The following NTSR1 variants were observed in gnomAD, a reference collection of about 807,000 sequenced individuals.
The protein encoded by NTSR1 is neurotensin receptor type 1.
A neutral mutation model predicts 31.2 loss-of-function variants in NTSR1; 29 were observed. The observed-to-expected ratio is 0.93, with a 90% CI of 0.69 to 1.27. The LOEUF is 1.27. NTSR1 is among the 50% of genes most tolerant of loss of function. The probability of loss-of-function intolerance (pLI) is 0.00; values close to 1 mark genes in which losing one functional copy is unlikely to be tolerated. For missense variants in NTSR1, 697 were observed against 595.4 expected (o/e 1.17, Z -1.78); for synonymous variants, 282 against 269.9 (o/e 1.04, Z -0.44).
chr20:62,744,837 C>T lies in NTSR1; in HGVS notation c.715-9848C>T, dbSNP rs868413622. 6.6e-6 allele frequency among the ~76,000 whole-genome samples: 1 copy of T among 152,316 alleles called. No individual in the cohort carries two copies. Among genetic ancestry groups the T allele is most frequent in the South Asian group, 2.1e-4 (1 of 4,828 alleles). ...CTTCTGGCACCAAACCCCAGGCATT[C>T]GGCTGCTTCTGAGAGGCTTGAGGCC... On this transcript the variant is annotated intron_variant, in intron 1 of 3. Coordinates refer to ENST00000370501, the MANE Select transcript of NTSR1 (RefSeq NM_002531.3). The surrounding 1 kb of genome is among the most constrained non-coding windows in gnomAD (Gnocchi z 4.1).
rs569942594 is a variant in NTSR1 at position 62,727,602 on chromosome 20, T to C, written c.714+17681T>C. ...CCTCCGCCTCCAGCATCGAGGTGAC[T>C]GAGGGGATAGCACAGAGAGGGTGGC... On this transcript the variant is annotated intron_variant, in intron 1 of 3. Transcript: ENST00000370501. 3.9e-5 allele frequency among the ~76,000 whole-genome samples: 6 copies of C among 152,264 alleles called. No individual in the cohort carries two copies. The South Asian group carries it at 8.3e-4, about 21-fold the overall frequency.
In NTSR1 at chr20:62,759,769, C is replaced by A. The variant is rs571210002; in HGVS notation, c.1008-249C>A. Among the ~76,000 whole-genome samples, 26 of 83,928 alleles carry A rather than the reference C, an allele frequency of 3.1e-4. No individual in the cohort carries two copies. In the East Asian group the frequency reaches 8.2e-3, roughly 26 times the overall value. The allele number at this position is 83,928 out of a possible 152,430, so 55.1% of individuals were successfully genotyped here. On this transcript the variant is annotated intron_variant, in intron 3 of 3. Coordinates refer to ENST00000370501, the MANE Select transcript of NTSR1 (RefSeq NM_002531.3). ...CAGCCTGGGAGACAGAGCGAGACTC[C>A]GTCTCAAAAAAAAAAAAAAAGCAGC...
chr20:62,732,273 G>A lies in NTSR1; in HGVS notation c.714+22352G>A, dbSNP rs1336510488. Among the ~76,000 whole-genome samples the A allele has an allele frequency of 1.3e-5, 2 of 152,172 alleles. No homozygotes were observed. Among genetic ancestry groups the A allele is most frequent in the East Asian group, 3.8e-4 (2 of 5,198 alleles). On this transcript the variant is annotated intron_variant, in intron 1 of 3. Transcript: ENST00000370501. The surrounding 1 kb of genome is among the most constrained non-coding windows in gnomAD (Gnocchi z 4.0). Reference sequence around the variant, plus strand: ...CTCCTTCCCTATCTTAGGAAGAAAAGCTTCAGGTTTGTCACCATTGAGTAT... The same window carrying A: ...CTCCTTCCCTATCTTAGGAAGAAAAACTTCAGGTTTGTCACCATTGAGTAT...
At position 62,711,577 on chromosome 20, in the gene NTSR1, C is replaced by T. The variant is rs1334726685; in HGVS notation, c.714+1656C>T. 6.8e-6 allele frequency among the ~76,000 whole-genome samples: 1 copy of T among 148,030 alleles called. No individual in the cohort carries two copies. Among genetic ancestry groups the T allele is most frequent in the South Asian group, 2.2e-4 (1 of 4,562 alleles). ...CCCCCACTCAGACCCCCGATCCCCC[C>T]GCTCAGATCCCCGATCCCCCCGCTC... On this transcript the variant is annotated intron_variant, in intron 1 of 3. Transcript: ENST00000370501. This position sits in a 1 kb window ranked among gnomAD's most constrained non-coding sequence, Gnocchi z 6.4.
chr20:62,716,205 C>T (rs190690623), intron 1 of NTSR1, among the ~76,000 whole-genome samples: 40 of 152,294 alleles, frequency 2.6e-4, no homozygotes, highest in Admixed American at 7.8e-4. Flanking sequence ...TGACCCCCAG[C>T]GCCTGGTAAC....
rs1015415426 is a variant in NTSR1, at chr20:62,762,008, G to C, written c.*1741G>C. The C allele has an allele frequency of 6.6e-6, 1 of 152,346 alleles. No homozygotes were observed. Among genetic ancestry groups the C allele is most frequent in the Non-Finnish European group, 1.5e-5 (1 of 68,150 alleles). 9.4% of individuals were successfully genotyped at this position (152,346 alleles called of 1,614,324 possible). A position where few individuals can be genotyped will look rare whatever the true frequency, so the allele number is the denominator to read the frequency against. ...CCAGGGAAACAGGGCCAGCACAGAG[G>C]GGCCTTCCTCCCCCACAGAGCCCCC... On this transcript the variant is annotated 3_prime_UTR_variant, in exon 4 of 4. Transcript: ENST00000370501.
chr20:62,723,611 T>TC (rs2147135189), intron 1 of NTSR1, among the ~76,000 whole-genome samples: 1 of 152,286 alleles, frequency 6.6e-6, no homozygotes, highest in Non-Finnish European at 1.5e-5. Flanking sequence ...AGATCCAGGA[T>TC]CCCTGGTCCA....
At chr20:62,725,467 C>A (rs1456563235) in intron 1 of NTSR1, among the ~76,000 whole-genome samples, 1 of 152,232 alleles carries the variant, frequency 6.6e-6, no homozygotes, top group African/African-American at 2.4e-5. Context: ...CCGTCTCCCC[C>A]CCGCTGCCTT....
chr20:62,723,361 C>T (rs3787534), intron 1 of NTSR1, among the ~76,000 whole-genome samples: 100,619 of 151,984 alleles, frequency 0.66, 36,402 homozygotes, highest in East Asian at 0.94. Flanking sequence ...CCGGCTCCTG[C>T]GAGTCAGGGA....
In NTSR1 at chr20:62,715,228, C is replaced by T. The variant is rs1453240678; in HGVS notation, c.714+5307C>T. Among the ~76,000 whole-genome samples, 1 of 152,162 alleles carries T rather than the reference C, an allele frequency of 6.6e-6. No individual in the cohort carries two copies. The highest frequency in any genetic ancestry group is 1.5e-5 in the Non-Finnish European group (1 of 68,026). The stretch of plus-strand genomic sequence containing the variant: ...TCTGAGGCTGTGGGGGGTGAGAGGG[C>T]AGGACAGGGAGGTGACCTTGGCCTT... On this transcript the variant is annotated intron_variant, in intron 1 of 3. Coordinates refer to ENST00000370501, the MANE Select transcript of NTSR1 (RefSeq NM_002531.3). The surrounding 1 kb of genome is among the most constrained non-coding windows in gnomAD (Gnocchi z 4.7).
intron 2 of NTSR1, among the ~76,000 whole-genome samples, chr20:62,755,378 TC>T (rs1568711434): frequency 5.0e-4 from 2 of 4,018 alleles, no homozygotes. Flanking sequence ...CATCCCTCCA[TC>T]CACCCTCCCT....
Position 62,715,461 on chromosome 20 carries a change from C to T in NTSR1, c.714+5540C>T, listed in dbSNP as rs1161343724. 6.6e-6 allele frequency among the ~76,000 whole-genome samples: 1 copy of T among 152,208 alleles called. No homozygotes were observed. Among genetic ancestry groups the T allele is most frequent in the African/African-American group, 2.4e-5 (1 of 41,456 alleles). ...AGGCCTAGCCTGACCCTGTGGTGCT[C>T]CCCGTGGGGACAACGGTCAGGCTTT... On this transcript the variant is annotated intron_variant, in intron 1 of 3. Coordinates refer to ENST00000370501, the MANE Select transcript of NTSR1 (RefSeq NM_002531.3). This position sits in a 1 kb window ranked among gnomAD's most constrained non-coding sequence, Gnocchi z 4.7.
chr20:62,725,735 T>A (rs963705990), intron 1 of NTSR1, among the ~76,000 whole-genome samples: 1 of 151,732 alleles, frequency 6.6e-6, no homozygotes, highest in Admixed American at 6.5e-5. Context: ...GTGTTATTGG[T>A]ATCACCCCCC....
In NTSR1 at chr20:62,761,791, C is replaced by T. The variant is rs1989627995; in HGVS notation, c.*1524C>T. The T allele has an allele frequency of 1.3e-5, 2 of 152,266 alleles. No individual in the cohort carries two copies. Among genetic ancestry groups the T allele is most frequent in the Non-Finnish European group, 2.9e-5 (2 of 68,066 alleles). 9.4% of individuals were successfully genotyped at this position (152,266 alleles called of 1,614,324 possible). On this transcript the variant is annotated 3_prime_UTR_variant, in exon 4 of 4. Coordinates refer to ENST00000370501, the MANE Select transcript of NTSR1 (RefSeq NM_002531.3). ...TCGAATGCTACAGTATCTGCAGTCG[C>T]TTGGATCTGGCTGTTGAGTTGACGG...
At chr20:62,729,263 G>A (rs1177384698) in intron 1 of NTSR1, among the ~76,000 whole-genome samples, 1 of 152,238 alleles carries the variant, frequency 6.6e-6, no homozygotes, top group Non-Finnish European at 1.5e-5. Context: ...AGGGTGGGGA[G>A]AGAGTAGCTC....
intron 1 of NTSR1, among the ~76,000 whole-genome samples, chr20:62,738,861 A>G (rs2147141634): frequency 6.6e-6 from 1 of 152,352 alleles, no homozygotes; most frequent in Non-Finnish European, 1.5e-5. Flanking sequence ...CATCATGAGG[A>G]GGAGACAGGG....
intron 1 of NTSR1, among the ~76,000 whole-genome samples, chr20:62,727,438 A>C (rs1988927489): frequency 6.6e-6 from 1 of 152,216 alleles, no homozygotes; most frequent in African/African-American, 2.4e-5. Flanking sequence ...GCCTGGGGCC[A>C]CGGGTTCTGC....
chr20:62,716,613 G>GTGTTGGTTGTGGTTCAAAGCTCGTGGAGC (rs1988728864), intron 1 of NTSR1, among the ~76,000 whole-genome samples: 1 of 152,252 alleles, frequency 6.6e-6, no homozygotes, highest in African/African-American at 2.4e-5. Flanking sequence ...CCGTGAGTCT[G>GTGTTGGTTGTGGTTCAAAGCTCGTGGAGC]TGAAAAACAA....
At position 62,745,091 on chromosome 20, in the gene NTSR1, G is replaced by A. The variant is rs544909628; in HGVS notation, c.715-9594G>A. Among the ~76,000 whole-genome samples the A allele has an allele frequency of 6.6e-6, 1 of 152,318 alleles. No individual in the cohort carries two copies. Among genetic ancestry groups the A allele is most frequent in the South Asian group, 2.1e-4 (1 of 4,820 alleles). Reference sequence around the variant, plus strand: ...CTAAAACCTCAGACCCAGCCACTGAGGCCCATGGCCCAGAGCCCAGCTACC... The same window carrying A: ...CTAAAACCTCAGACCCAGCCACTGAAGCCCATGGCCCAGAGCCCAGCTACC... On this transcript the variant is annotated intron_variant, in intron 1 of 3. Transcript: ENST00000370501. This position sits in a 1 kb window ranked among gnomAD's most constrained non-coding sequence, Gnocchi z 4.1.
Sources: allele counts gnomAD v4.1 joint callset (sites outside exome capture counted in the v4.1 genomes callset), GRCh38; gene constraint gnomAD v4.1.1; non-coding constraint Gnocchi (gnomAD v3.1); transcripts MANE v1.5; gene names NCBI Gene and HGNC (gene_info 2026-07-23, HGNC 2026-07-21).